KIAA1671: variants seen among roughly 807,000 people sequenced by gnomAD.
KIAA1671 encodes uncharacterized protein KIAA1671.
A neutral mutation model predicts 131.2 loss-of-function variants in KIAA1671; 52 were observed. That is an observed-to-expected ratio of 0.40 (90% CI 0.32 to 0.50). The LOEUF (loss-of-function observed/expected upper bound fraction) is 0.50. Ranked by LOEUF, KIAA1671 falls within the 20% of genes least tolerant of loss-of-function variation. The pLI, the probability that KIAA1671 is intolerant of heterozygous loss-of-function variation, is 0.73. For synonymous variants in KIAA1671, 1,003 were observed against 961.6 expected, an observed-to-expected ratio of 1.04 and a Z score of -0.80; for missense variants, 2,360 against 2,364.2, an observed-to-expected ratio of 1.00 and a Z score of 0.04.
At chr22:25,047,541 C>T (rs997662583) in intron 5 of KIAA1671, among the ~76,000 whole-genome samples, 7 of 143,376 alleles carry the variant, frequency 4.9e-5, no homozygotes, top group Admixed American at 1.5e-4. Context: ...GGTGTGATGT[C>T]GGCTCACTGC....
At chr22:25,160,468 G>T (rs1299370513) in intron 6 of KIAA1671, among the ~76,000 whole-genome samples, 1 of 152,136 alleles carries the variant, frequency 6.6e-6, no homozygotes, top group African/African-American at 2.4e-5. Context: ...GTTCGGTCTT[G>T]CTCCCATCTC....
intron 6 of KIAA1671, among the ~76,000 whole-genome samples, chr22:25,128,108 G>T (rs1299803596): frequency 6.6e-6 from 1 of 152,114 alleles, no homozygotes; most frequent in Admixed American, 6.5e-5. Context: ...ACTCAAACTT[G>T]GGTGGGCATC....
At position 25,033,943 on chromosome 22, in the gene KIAA1671, A is replaced by G. The variant is rs1013610013; in HGVS notation, c.1629+1247A>G. On this transcript the variant is annotated intron_variant, in intron 4 of 12. Coordinates refer to ENST00000358431, the MANE Select transcript of KIAA1671 (RefSeq NM_001145206.2). The stretch of plus-strand genomic sequence containing the variant: ...ACAGGAAAGAGCACAGATTTAACAC[A>G]TTCAACTTGGTGAGTTTCCTATGTG... Among the ~76,000 whole-genome samples, 895 of 151,890 alleles carry G rather than the reference A, an allele frequency of 5.9e-3. 13 individuals are homozygous for G. The highest frequency in any genetic ancestry group is 0.021 in the African/African-American group (867 of 41,414).
intron 1 of KIAA1671, among the ~76,000 whole-genome samples, chr22:25,002,784 CT>C (rs541184629): frequency 1.8e-3 from 256 of 143,300 alleles, no homozygotes; most frequent in Non-Finnish European, 1.6e-3. Flanking sequence ...AACTTCGTGG[CT>C]TTTTTTTTTT....
chr22:24,995,980 C>T (rs1159490136), intron 1 of KIAA1671, among the ~76,000 whole-genome samples: 1 of 152,250 alleles, frequency 6.6e-6, no homozygotes, highest in East Asian at 1.9e-4. Flanking sequence ...TGCATGTCAT[C>T]CCCTGACCAC....
At chr22:25,009,253 CTTT>C (rs35147267) in intron 1 of KIAA1671, among the ~76,000 whole-genome samples, 1,786 of 62,614 alleles carry the variant, frequency 0.029, 13 homozygotes, top group African/African-American at 0.043. Context: ...CCCTTCCCCA[CTTT>C]TTTTTTTTTT....
chr22:25,000,211 T>TAAATGTAGCTTTC (rs1275472771), intron 1 of KIAA1671, among the ~76,000 whole-genome samples: 8 of 73,800 alleles, frequency 1.1e-4, no homozygotes, highest in African/African-American at 3.8e-4. Flanking sequence ...TTTTTTTTTT[T>TAAATGTAGCTTTC]GAGACGGAGT....
intron 6 of KIAA1671, among the ~76,000 whole-genome samples, chr22:25,093,220 G>T (rs1601304181): frequency 6.6e-6 from 1 of 152,154 alleles, no homozygotes; most frequent in Non-Finnish European, 1.5e-5. Flanking sequence ...GCAGTAACTT[G>T]TCTGAAGTCC....
chr22:25,041,059 G>C lies in KIAA1671; in HGVS notation c.3929G>C (p.Gly1310Ala). The change falls in exon 5 of 13, where the codon GGG (glycine) becomes GCG (alanine). Residue 1310 changes from glycine (G) to alanine (A), a missense_variant. Physicochemically the swap from Gly to Ala is moderately conservative, Grantham distance 60. This residue lies in a region of KIAA1671 where 1,161 missense variants were observed against 1,204.7 expected (regional missense o/e 0.96). Coordinates refer to ENST00000358431, the MANE Select transcript of KIAA1671 (RefSeq NM_001145206.2). ...PPSAPSERYP[G>A]GSPIPADPRK... ...TCGGCTCCTTCTGAAAGGTATCCAG[G>C]GGGCTCTCCTATACCTGCGGATCCC... is the stretch of plus-strand genomic sequence containing the variant. 1 of 1,522,006 alleles carries C rather than the reference G, an allele frequency of 6.6e-7. No homozygotes were observed. Among genetic ancestry groups the C allele is most frequent in the Non-Finnish European group, 8.8e-7 (1 of 1,133,092 alleles). The allele number at this position is 1,522,006 out of a possible 1,614,324, so 94.3% of individuals were successfully genotyped here. A position where few individuals can be genotyped will look rare whatever the true frequency, so the allele number is the denominator to read the frequency against.
intron 6 of KIAA1671, among the ~76,000 whole-genome samples, chr22:25,073,139 C>G (rs147204406): frequency 2.8e-4 from 42 of 152,320 alleles, no homozygotes; most frequent in African/African-American, 9.1e-4. Context: ...ATGATCATAG[C>G]TCACTGCAGC....
rs2145807471 is a variant in KIAA1671, at chr22:25,041,036, G to A, written c.3906G>A (p.Ser1302=). The A allele has an allele frequency of 2.0e-6, 3 of 1,500,064 alleles. No homozygotes were observed. The highest frequency in any genetic ancestry group is 2.3e-5 in the Admixed American group (1 of 43,210). The allele number at this position is 1,500,064 out of a possible 1,614,324, so 92.9% of individuals were successfully genotyped here. A position where few individuals can be genotyped will look rare whatever the true frequency, so the allele number is the denominator to read the frequency against. Reference sequence around the variant, plus strand: ...CTCCCTTCTGGGCTCTGCCACCCTCGGCTCCTTCTGAAAGGTATCCAGGGG... The same window carrying A: ...CTCCCTTCTGGGCTCTGCCACCCTCAGCTCCTTCTGAAAGGTATCCAGGGG... ...SSPPFWALPP[S]APSERYPGGS... Residue 1302 remains serine (S), a synonymous_variant, in exon 5 of 13, where the codon TCG becomes TCA. Transcript: ENST00000358431.
intron 9 of KIAA1671, chr22:25,179,398 G>T: frequency 6.2e-7 from 1 of 1,610,954 alleles, no homozygotes. Context: ...AGTGCGGCCA[G>T]GTGCGCCTCG....
chr22:25,195,043 T>C lies in KIAA1671; in HGVS notation c.*2642T>C, dbSNP rs868124946. 9.2e-5 allele frequency: 14 copies of C among 152,242 alleles called. No individual in the cohort carries two copies. The highest frequency in any genetic ancestry group is 1.9e-4 in the African/African-American group (8 of 41,468). 9.4% of individuals were successfully genotyped at this position (152,242 alleles called of 1,614,324 possible). ...GTCTTCTTTTTAAACTCACTTAATA[T>C]GCCTTAATCATCTGTGTGTAATGGA... On this transcript the variant is annotated 3_prime_UTR_variant, in exon 13 of 13. Transcript: ENST00000358431.
intron 6 of KIAA1671, among the ~76,000 whole-genome samples, chr22:25,113,685 G>T (rs1931507010): frequency 6.6e-6 from 1 of 152,208 alleles, no homozygotes; most frequent in Admixed American, 6.5e-5. Context: ...GAGCACTTGG[G>T]CATGACACGT....
Position 25,040,977 on chromosome 22 carries a change from A to C in KIAA1671, c.3847A>C (p.Thr1283Pro). ...TGGCTTAGGCAAGCAGCTGGCAGAGACCTTGGAGACAGCCATGGGCACCAA... is the reference window on the plus strand; with the variant it reads ...TGGCTTAGGCAAGCAGCTGGCAGAGCCCTTGGAGACAGCCATGGGCACCAA... ...TPGLGKQLAE[T>P]LETAMGTKSS... The change falls in exon 5 of 13, where the codon ACC becomes CCC. Residue 1283 changes from threonine (T) to proline (P), a missense_variant. By Grantham distance (38) the Thr-to-Pro change is conservative. Around this residue, in one of 3 missense-constraint regions of KIAA1671, gnomAD observed 1,161 missense variants for 1,204.7 expected, o/e 0.96. Coordinates refer to ENST00000358431, the MANE Select transcript of KIAA1671 (RefSeq NM_001145206.2). The C allele has an allele frequency of 1.4e-6, 2 of 1,475,388 alleles. No individual in the cohort carries two copies. Among genetic ancestry groups the C allele is most frequent in the Non-Finnish European group, 1.8e-6 (2 of 1,112,720 alleles). 91.4% of individuals were successfully genotyped at this position (1,475,388 alleles called of 1,614,324 possible).
At chr22:25,015,288 T>C (rs1925249916) in intron 1 of KIAA1671, among the ~76,000 whole-genome samples, 1 of 148,146 alleles carries the variant, frequency 6.8e-6, no homozygotes, top group Non-Finnish European at 1.5e-5. Flanking sequence ...TGTAAATAAA[T>C]GGCTGTGGGT....
chr22:25,028,876 A>G lies in KIAA1671; in HGVS notation c.877A>G (p.Asn293Asp). ...LSMDLTARFENKEALLRKVAD... is the reference protein window; with the variant it reads ...LSMDLTARFEDKEALLRKVAD... ...CATGGACCTCACGGCCCGGTTTGAG[A>G]ACAAAGAGGCCTTGCTGAGGAAGGT... The change falls in exon 3 of 13, where the codon AAC (asparagine) becomes GAC (aspartate). Residue 293 changes from asparagine (N) to aspartate (D), a missense_variant. Physicochemically the swap from Asn to Asp is conservative, Grantham distance 23. This residue lies in a region of KIAA1671 where 1,185 missense variants were observed against 1,126.2 expected (regional missense o/e 1.05). Transcript: ENST00000358431. 1.3e-6 allele frequency: 2 copies of G among 1,551,326 alleles called. No individual in the cohort carries two copies. The highest frequency in any genetic ancestry group is 2.7e-5 in the African/African-American group (2 of 73,172).
intron 6 of KIAA1671, among the ~76,000 whole-genome samples, chr22:25,158,901 A>ACAGT (rs1487087416): frequency 6.6e-6 from 1 of 152,206 alleles, no homozygotes; most frequent in Non-Finnish European, 1.5e-5. Context: ...GGGGATATTA[A>ACAGT]CAGTATCTAT....
At chr22:25,101,491 TATTGATTG>T (rs368124033) in intron 6 of KIAA1671, among the ~76,000 whole-genome samples, 5 of 152,268 alleles carry the variant, frequency 3.3e-5, no homozygotes, top group South Asian at 2.1e-4. Flanking sequence ...AGATGATTTT[TATTGATTG>T]ATTGATTGAT....
Sources: allele counts gnomAD v4.1 joint callset (sites outside exome capture counted in the v4.1 genomes callset), GRCh38; gene constraint gnomAD v4.1.1; regional missense constraint gnomAD v4.1.1; transcripts MANE v1.5; gene names NCBI Gene and HGNC (gene_info 2026-07-23, HGNC 2026-07-21).